Variants in CFAP58 observed in about 807,000 individuals in gnomAD.
CFAP58 encodes cilia- and flagella-associated protein 58.
A neutral mutation model predicts 119.5 loss-of-function variants in CFAP58; 88 were observed. The observed-to-expected ratio is 0.74, with a 90% CI of 0.62 to 0.88. The LOEUF (loss-of-function observed/expected upper bound fraction) is 0.88, where lower values mean the gene tolerates loss of function less well. Among genes scored for constraint, CFAP58 ranks in the 40% least tolerant of loss-of-function variants. CFAP58 has a pLI of 0.00. For synonymous variants in CFAP58, 365 were observed against 366.3 expected (o/e 1.00, Z 0.04); for missense variants, 990 against 1,021.2 (o/e 0.97, Z 0.42).
intron 5 of CFAP58, among the ~76,000 whole-genome samples, chr10:104,367,493 C>T (rs1270116920): frequency 2.0e-5 from 3 of 152,012 alleles, no homozygotes; most frequent in Non-Finnish European, 4.4e-5. Context: ...ATAGATAATT[C>T]ACAGTGTGCC....
chr10:104,384,984 G>A (rs1214199201), intron 9 of CFAP58, among the ~76,000 whole-genome samples: 3 of 152,122 alleles, frequency 2.0e-5, no homozygotes, highest in East Asian at 3.9e-4. Flanking sequence ...GAATGATGGA[G>A]GAATTGCAGA....
the CFAP58 span, among the ~76,000 whole-genome samples, chr10:104,348,214 C>T: frequency 2.0e-5 from 3 of 152,174 alleles, no homozygotes; most frequent in Non-Finnish European, 4.4e-5. Context: ...CCAAAATAGC[C>T]TCTGGGACCT....
chr10:104,409,843 T>C (rs183031840), intron 15 of CFAP58, among the ~76,000 whole-genome samples: 126 of 140,650 alleles, frequency 9.0e-4, no homozygotes, highest in African/African-American at 3.4e-3. Context: ...GGAATATCTC[T>C]TGTAATTAAA....
At chr10:104,374,758 T>C (rs2014867944) in intron 7 of CFAP58, among the ~76,000 whole-genome samples, 1 of 151,260 alleles carries the variant, frequency 6.6e-6, no homozygotes, top group South Asian at 2.1e-4. Flanking sequence ...GAGAGAAATG[T>C]CTATTAAAAA....
At chr10:104,398,386 GC>G (rs2012201662) in intron 11 of CFAP58, among the ~76,000 whole-genome samples, 1 of 152,204 alleles carries the variant, frequency 6.6e-6, no homozygotes, top group African/African-American at 2.4e-5. Context: ...ATGACCTTGG[GC>G]AAGTTGCTTG....
intron 11 of CFAP58, 100 bp downstream of exon 11, chr10:104,393,575 A>G: frequency 8.7e-7 from 1 of 1,149,732 alleles, no homozygotes; most frequent in Non-Finnish European, 1.2e-6. Flanking sequence ...GAGAACAACC[A>G]CGCCTGCCTG....
chr10:104,353,809 C>T (rs983200539), upstream of CFAP58: 5 of 1,494,734 alleles, frequency 3.3e-6, no homozygotes, highest in African/African-American at 6.9e-5. Context: ...AGAGACAGCG[C>T]GTCGCGCCTT....
At chr10:104,424,269 C>A (rs1341985547) in intron 15 of CFAP58, among the ~76,000 whole-genome samples, 2 of 152,166 alleles carry the variant, frequency 1.3e-5, no homozygotes, top group Non-Finnish European at 2.9e-5. Context: ...AAATCTGTAG[C>A]ATATTAAGTG....
chr10:104,370,817 G>A (rs1589911800), intron 6 of CFAP58, 78 bp from the exon 7 acceptor site: 4 of 1,263,904 alleles, frequency 3.2e-6, no homozygotes, highest in Non-Finnish European at 4.3e-6. Flanking sequence ...TCCTTTTATT[G>A]GTTCTGAGTT....
At chr10:104,371,132 G>A (rs2014818154) in intron 7 of CFAP58, 78 bp downstream of exon 7, 8 of 1,367,582 alleles carry the variant, frequency 5.8e-6, no homozygotes, top group South Asian at 5.7e-5. Context: ...AGGGCTCCAT[G>A]TTTCCAAACA....
At chr10:104,445,928 G>T (rs914799301) in intron 15 of CFAP58, among the ~76,000 whole-genome samples, 1 of 152,220 alleles carries the variant, frequency 6.6e-6, no homozygotes, top group Non-Finnish European at 1.5e-5. Context: ...TTCAGTTTAA[G>T]ACATTATTAT....
intron 15 of CFAP58, 36 bp from the exon 16 acceptor site, chr10:104,447,659 GGGC>G: frequency 1.2e-6 from 2 of 1,608,346 alleles, no homozygotes; most frequent in Non-Finnish European, 1.7e-6. Flanking sequence ...TGTTTTGACG[GGGC>G]TGTTTATCTC....
chr10:104,394,603 A>G (rs1589920336), intron 11 of CFAP58, among the ~76,000 whole-genome samples: 2 of 152,256 alleles, frequency 1.3e-5, no homozygotes, highest in African/African-American at 2.4e-5. Context: ...ATTAACTTAA[A>G]GCTCATTTTA....
intron 14 of CFAP58, among the ~76,000 whole-genome samples, chr10:104,406,338 G>A (rs2012358777): frequency 1.3e-5 from 2 of 152,142 alleles, no homozygotes; most frequent in African/African-American, 4.8e-5. Context: ...AAAGTATAAT[G>A]TTGTATAAAA....
chr10:104,437,977 A>G (rs1300975628), intron 15 of CFAP58, among the ~76,000 whole-genome samples: 1 of 152,224 alleles, frequency 6.6e-6, no homozygotes, highest in Non-Finnish European at 1.5e-5. Context: ...AAAAAAAAAT[A>G]CTATATGTGA....
intron 9 of CFAP58, chr10:104,381,979 G>T (rs200876726): frequency 1.6e-6 from 1 of 608,618 alleles, no homozygotes; most frequent in East Asian, 2.8e-5. Context: ...GCTTGGACTC[G>T]CACGTTAGCT....
At chr10:104,360,324 T>C (rs112444092) in intron 2 of CFAP58, among the ~76,000 whole-genome samples, 14 of 152,266 alleles carry the variant, frequency 9.2e-5, no homozygotes, top group African/African-American at 3.1e-4. Flanking sequence ...AATTGGTTCA[T>C]GGTTCTGCAG....
intron 9 of CFAP58, among the ~76,000 whole-genome samples, chr10:104,385,326 C>A (rs189565521): frequency 5.3e-5 from 8 of 151,974 alleles, no homozygotes; most frequent in African/African-American, 1.9e-4. Flanking sequence ...CAAGGTGACC[C>A]CAGTAGAATA....
At position 104,454,565 on chromosome 10, in the gene CFAP58, C is replaced by T; in HGVS notation, c.*35C>T. 6.8e-7 allele frequency: 1 copy of T among 1,471,664 alleles called. No homozygotes were observed. 91.2% of individuals were successfully genotyped at this position (1,471,664 alleles called of 1,614,324 possible). A position where few individuals can be genotyped will look rare whatever the true frequency, so the allele number is the denominator to read the frequency against. On this transcript the variant is annotated 3_prime_UTR_variant, in exon 18 of 18. Transcript: ENST00000369704. Reference sequence around the variant, plus strand: ...GCTGGCTGTTTCCAGTTGAACAACTCATGAAATCTGCTCTGGGACATTTTG... The same window carrying T: ...GCTGGCTGTTTCCAGTTGAACAACTTATGAAATCTGCTCTGGGACATTTTG...
Sources: allele counts gnomAD v4.1 joint callset (sites outside exome capture counted in the v4.1 genomes callset), GRCh38; gene constraint gnomAD v4.1.1; transcripts MANE v1.5; gene names NCBI Gene and HGNC (gene_info 2026-07-23, HGNC 2026-07-21).